FANCC: variants seen among roughly 807,000 people sequenced by gnomAD.
The protein encoded by FANCC is FA complementation group C, also known as Fanconi anemia group C protein.
In FANCC, 55 loss-of-function variants were observed where a neutral mutation model predicts 71.3. That is an observed-to-expected ratio of 0.77 (90% CI 0.62 to 0.97). FANCC has a LOEUF of 0.97. Ranked by LOEUF, FANCC falls within the 50% of genes least tolerant of loss-of-function variation. The probability of loss-of-function intolerance (pLI) is 0.00; values close to 1 mark genes in which losing one functional copy is unlikely to be tolerated. For synonymous variants in FANCC, 275 were observed against 244.9 expected (o/e 1.12, Z -1.15); for missense variants, 678 against 670.9 (o/e 1.01, Z -0.12).
chr9:95,293,077 A>G, intron 1 of FANCC: 1 of 1,610,026 alleles, frequency 6.2e-7, no homozygotes, highest in South Asian at 1.1e-5. Flanking sequence ...ATCATTTAAC[A>G]ACCAACCAAT....
intron 10 of FANCC, among the ~76,000 whole-genome samples, chr9:95,122,149 C>T (rs1324778197): frequency 3.3e-5 from 5 of 152,088 alleles, no homozygotes; most frequent in African/African-American, 7.2e-5. Flanking sequence ...TGAGCCACCA[C>T]GCCTGGCACA....
intron 3 of FANCC, among the ~76,000 whole-genome samples, chr9:95,244,834 C>T (rs576339223): frequency 1.3e-5 from 2 of 151,342 alleles, no homozygotes; most frequent in East Asian, 3.9e-4. Context: ...CAGAACATTA[C>T]AGAAGGTGGA....
chr9:95,152,519 G>A (rs981769396), intron 6 of FANCC, among the ~76,000 whole-genome samples: 4 of 152,210 alleles, frequency 2.6e-5, no homozygotes, highest in Admixed American at 1.3e-4. Context: ...AACCGGGGAG[G>A]ATGGCGGAAA....
At chr9:95,145,744 T>G (rs1478637065) in intron 7 of FANCC, among the ~76,000 whole-genome samples, 1 of 152,092 alleles carries the variant, frequency 6.6e-6, no homozygotes, top group Non-Finnish European at 1.5e-5. Context: ...ATGTGAGAAC[T>G]GAGAATGTGA....
intron 1 of FANCC, among the ~76,000 whole-genome samples, chr9:95,254,518 CTGTGCCGTGAGGAA>C (rs1490335600): frequency 2.0e-5 from 3 of 152,234 alleles, no homozygotes; most frequent in African/African-American, 7.2e-5. Context: ...CCGTGAGGGA[CTGTGCCGTGAGGAA>C]TGGTGCATTC....
intron 1 of FANCC, among the ~76,000 whole-genome samples, chr9:95,306,680 G>A (rs928102805): frequency 7.9e-5 from 12 of 152,038 alleles, no homozygotes; most frequent in South Asian, 2.1e-4. Context: ...AGAAATACCC[G>A]GCTCTTTTGA....
intron 1 of FANCC, among the ~76,000 whole-genome samples, chr9:95,270,235 CTTTTG>C (rs978324933): frequency 1.3e-5 from 2 of 152,068 alleles, no homozygotes; most frequent in Non-Finnish European, 2.9e-5. Flanking sequence ...AAAGCTGCAG[CTTTTG>C]TTTATGCCAA....
chr9:95,291,849 G>A (rs573605464), intron 1 of FANCC, among the ~76,000 whole-genome samples: 5 of 150,484 alleles, frequency 3.3e-5, no homozygotes, highest in African/African-American at 1.2e-4. Flanking sequence ...TCGGGAGGCT[G>A]AGGCAGGAGG....
rs1388496840 is a variant in FANCC at position 95,101,279 on chromosome 9, A to G, written c.*428T>C. 3.2e-6 allele frequency: 1 copy of G among 309,650 alleles called. No homozygotes were observed. Among genetic ancestry groups the G allele is most frequent in the East Asian group, 4.8e-5 (1 of 21,044 alleles). The allele number at this position is 309,650 out of a possible 1,614,324, so 19.2% of individuals were successfully genotyped here. On this transcript the variant is annotated 3_prime_UTR_variant, in exon 15 of 15. Transcript: ENST00000289081. ...TCCCAGATCCCTGACTCCTAAAAAG[A>G]GTCTAAAAAGAGCTAAGTTCTCTCT...
rs185023012 is a variant in FANCC at position 95,111,157 on chromosome 9, G to A, written c.1329+306C>T. 2.6e-5 allele frequency: 40 copies of A among 1,535,284 alleles called. No individual in the cohort carries two copies. The Admixed American group carries it at 5.9e-4, about 23-fold the overall frequency. On this transcript the variant is annotated intron_variant, in intron 13 of 14. Transcript: ENST00000289081. ...CTCTGCAGGGCACGCCTTGGAGGAC[G>A]CGACCCTGGGGCAGATATGGCAGCT...
At chr9:95,291,023 C>T (rs917119886) in intron 1 of FANCC, among the ~76,000 whole-genome samples, 2 of 152,022 alleles carry the variant, frequency 1.3e-5, no homozygotes, top group African/African-American at 4.8e-5. Context: ...TGACAAAATT[C>T]GACATCTTTC....
chr9:95,279,335 A>G (rs1833236834), intron 1 of FANCC, among the ~76,000 whole-genome samples: 1 of 151,372 alleles, frequency 6.6e-6, no homozygotes, highest in Non-Finnish European at 1.5e-5. Context: ...AAAAAGAAAA[A>G]AAAAATCAAA....
chr9:95,211,768 G>C (rs983815946), intron 4 of FANCC, among the ~76,000 whole-genome samples: 4 of 151,838 alleles, frequency 2.6e-5, no homozygotes, highest in African/African-American at 9.7e-5. Flanking sequence ...GGCTGGAAAT[G>C]GCAGAGATGA....
chr9:95,254,392 T>C (rs969661826), intron 1 of FANCC, among the ~76,000 whole-genome samples: 1 of 152,202 alleles, frequency 6.6e-6, no homozygotes, highest in East Asian at 1.9e-4. Context: ...CTCATCTCAC[T>C]GGGACTGGTT....
intron 14 of FANCC, among the ~76,000 whole-genome samples, chr9:95,106,154 A>T (rs1033431606): frequency 1.2e-4 from 18 of 151,124 alleles, no homozygotes; most frequent in African/African-American, 3.4e-4. Context: ...GCTGACAGCC[A>T]TCCTGATGGC....
At chr9:95,113,331 G>C (rs1475136956) in intron 12 of FANCC, among the ~76,000 whole-genome samples, 1 of 152,194 alleles carries the variant, frequency 6.6e-6, no homozygotes, top group Non-Finnish European at 1.5e-5. Flanking sequence ...GTGAAAAGTG[G>C]CAAAAGGAAC....
chr9:95,191,327 CTTTTTTTTTTTTT>C lies in FANCC; in HGVS notation c.346-19193_346-19181del, dbSNP rs71366278. ...CCAGCCCCAGTCACCATCCTACTTC[CTTTTTTTTTTTTT>C]TTTTTTTTTTTTGAGACAGGGTCTC... On this transcript the variant is annotated intron_variant, in intron 4 of 14. Transcript: ENST00000289081. Among the ~76,000 whole-genome samples the C allele has an allele frequency of 5.6e-5, 3 of 53,960 alleles. No individual in the cohort carries two copies. The East Asian group carries it at 2.2e-3, about 40-fold the overall frequency. 35.4% of individuals were successfully genotyped at this position (53,960 alleles called of 152,430 possible).
intron 1 of FANCC, among the ~76,000 whole-genome samples, chr9:95,269,006 A>G (rs2136207181): frequency 6.6e-6 from 1 of 152,302 alleles, no homozygotes; most frequent in East Asian, 1.9e-4. Flanking sequence ...ATGGCTCAGT[A>G]AAATATGACT....
In FANCC at chr9:95,204,021, T is replaced by C. The variant is rs191219286; in HGVS notation, c.346-31874A>G. ...AACACAAAAACACAACAATGTATAC[T>C]TACACTTAGGACAGAGTGGAGGGGA... On this transcript the variant is annotated intron_variant, in intron 4 of 14. Coordinates refer to ENST00000289081, the MANE Select transcript of FANCC (RefSeq NM_000136.3). Among the ~76,000 whole-genome samples, 1,059 of 152,310 alleles carry C rather than the reference T, an allele frequency of 7.0e-3. 7 individuals carry two copies. The highest frequency in any genetic ancestry group is 0.012 in the Non-Finnish European group (783 of 68,034).
Sources: allele counts gnomAD v4.1 joint callset (sites outside exome capture counted in the v4.1 genomes callset), GRCh38; gene constraint gnomAD v4.1.1; transcripts MANE v1.5; gene names NCBI Gene and HGNC (gene_info 2026-07-23, HGNC 2026-07-21).